The following KCNQ1OT1 variants were observed in gnomAD, a reference collection of about 807,000 sequenced individuals.
KCNQ1OT1 encodes KCNQ1 opposite strand/antisense transcript 1, also known as KCNQ1 antisense RNA 2 (non-protein coding).
chr11:2,631,589 C>A, exon 1 of KCNQ1OT1: 1 of 398,486 alleles, frequency 2.5e-6, no homozygotes, highest in South Asian at 1.3e-4. Context: ...TCTTGGGAGT[C>A]AGTCCCTGAA....
chr11:2,689,484 C>G, exon 1 of KCNQ1OT1: 1 of 398,690 alleles, frequency 2.5e-6, no homozygotes, highest in Non-Finnish European at 4.4e-6. Context: ...TACCTGCATT[C>G]TGCTGAAGGT....
At chr11:2,689,046 G>A (rs1850545187) in exon 1 of KCNQ1OT1, 4 of 398,892 alleles carry the variant, frequency 1.0e-5, no homozygotes, top group South Asian at 1.3e-4. Flanking sequence ...GGGTTTTGAG[G>A]GGCAGTTACC....
chr11:2,681,814 A>G (rs1850403253), exon 1 of KCNQ1OT1: 1 of 398,384 alleles, frequency 2.5e-6, no homozygotes, highest in South Asian at 1.3e-4. Flanking sequence ...TTCTCAGGTT[A>G]TGGTCATATC....
exon 1 of KCNQ1OT1, chr11:2,634,397 C>G (rs1222960092): frequency 4.5e-6 from 1 of 223,956 alleles, no homozygotes; most frequent in African/African-American, 2.3e-5. Flanking sequence ...TCTCATTGTT[C>G]AGTTCCCACC....
At chr11:2,644,687 G>T (rs534785123) in exon 1 of KCNQ1OT1, 6 of 398,298 alleles carry the variant, frequency 1.5e-5, no homozygotes, top group South Asian at 1.3e-4. Flanking sequence ...CCAATTTTTT[G>T]ATCTGTCTTT....
At chr11:2,633,041 A>C (rs1849388706) in exon 1 of KCNQ1OT1, 1 of 398,368 alleles carries the variant, frequency 2.5e-6, no homozygotes. Context: ...CAAATAGTGT[A>C]TTATTTCCCT....
exon 1 of KCNQ1OT1, chr11:2,667,496 G>C (rs757653527): frequency 6.4e-6 from 2 of 311,174 alleles, no homozygotes; most frequent in African/African-American, 2.2e-5. Context: ...GAACATTCAC[G>C]CCACAGAGGT....
chr11:2,628,997 G>A (rs1439062692), exon 1 of KCNQ1OT1: 6 of 398,022 alleles, frequency 1.5e-5, no homozygotes, highest in African/African-American at 1.2e-4. Flanking sequence ...CCATAACTTT[G>A]AAATATAATT....
At chr11:2,656,731 A>C (rs1293699974) in exon 1 of KCNQ1OT1, 1 of 398,428 alleles carries the variant, frequency 2.5e-6, no homozygotes, top group Non-Finnish European at 4.4e-6. Context: ...TCTAATGTCA[A>C]ATTACTCAGT....
exon 1 of KCNQ1OT1, chr11:2,688,205 C>G (rs1850524942): frequency 7.5e-6 from 3 of 398,696 alleles, no homozygotes; most frequent in African/African-American, 4.1e-5. Context: ...AGGGGCTGCA[C>G]TGAGCCCACC....
Position 2,613,957 on chromosome 11 carries a change from C to A in KCNQ1OT1, n.86038G>T, listed in dbSNP as rs1169112536. ...CTTTGCTTTTCTCACCTAACAACATCTCCTAGAAATCACTCAACATCCATT... is the reference window on the plus strand; with the variant it reads ...CTTTGCTTTTCTCACCTAACAACATATCCTAGAAATCACTCAACATCCATT... On this transcript the variant is annotated non_coding_transcript_exon_variant, in exon 1 of 1. Coordinates refer to ENST00000597346, the Ensembl canonical transcript of KCNQ1OT1. This position sits in a 1 kb window ranked among gnomAD's most constrained non-coding sequence, Gnocchi z 4.8. 2 of 398,464 alleles carry A rather than the reference C, an allele frequency of 5.0e-6. No homozygotes were observed. Among genetic ancestry groups the A allele is most frequent in the Non-Finnish European group, 8.8e-6 (2 of 226,068 alleles). The allele number at this position is 398,464 out of a possible 1,614,324, so 24.7% of individuals were successfully genotyped here.
Position 2,668,628 on chromosome 11 carries a change from GTTTA to G in KCNQ1OT1, n.31363_31366del. On this transcript the variant is annotated non_coding_transcript_exon_variant, in exon 1 of 1. Coordinates refer to ENST00000597346, the Ensembl canonical transcript of KCNQ1OT1. This position sits in a 1 kb window ranked among gnomAD's most constrained non-coding sequence, Gnocchi z 4.3. ...TGCCTACATCTTCTGCCTGTTTTAT[GTTTA>G]TTTATGGTCCTATATATCTTTAGAT... 1 of 398,488 alleles carries G rather than the reference GTTTA, an allele frequency of 2.5e-6. No individual in the cohort carries two copies. Among genetic ancestry groups the G allele is most frequent in the Admixed American group, 4.4e-5 (1 of 22,732 alleles). 24.7% of individuals were successfully genotyped at this position (398,488 alleles called of 1,614,324 possible).
chr11:2,629,816 G>T, exon 1 of KCNQ1OT1: 1 of 397,510 alleles, frequency 2.5e-6, no homozygotes, highest in Non-Finnish European at 4.4e-6. Context: ...CTTCTAACAG[G>T]TTTTTTTTGT....
chr11:2,619,357 C>G (rs1341431668), exon 1 of KCNQ1OT1: 2 of 398,382 alleles, frequency 5.0e-6, no homozygotes, highest in Non-Finnish European at 8.8e-6. Flanking sequence ...CCTTCTATAC[C>G]TGAACTGTTA....
In KCNQ1OT1 at chr11:2,652,173, G is replaced by A. The variant is rs1849767733; in HGVS notation, n.47822C>T. On this transcript the variant is annotated non_coding_transcript_exon_variant, in exon 1 of 1. Transcript: ENST00000597346. This position sits in a 1 kb window ranked among gnomAD's most constrained non-coding sequence, Gnocchi z 5.9. Reference sequence around the variant, plus strand: ...CGCGCCCTCGGGGCCTGGGGGTGGGGCCCCAGCAGATGTCTGGATTTGGTA... The same window carrying A: ...CGCGCCCTCGGGGCCTGGGGGTGGGACCCCAGCAGATGTCTGGATTTGGTA... The A allele has an allele frequency of 5.0e-6, 2 of 398,524 alleles. No homozygotes were observed. The highest frequency in any genetic ancestry group is 4.1e-5 in the African/African-American group (2 of 48,622). 24.7% of individuals were successfully genotyped at this position (398,524 alleles called of 1,614,324 possible).
exon 1 of KCNQ1OT1, chr11:2,638,333 T>G (rs1047426141): frequency 6.6e-6 from 1 of 152,258 alleles, no homozygotes; most frequent in South Asian, 2.1e-4. Flanking sequence ...TTTCCATGTT[T>G]AGTGCTTCCT....
At position 2,669,279 on chromosome 11, in the gene KCNQ1OT1, G is replaced by A. The variant is rs1465480484; in HGVS notation, n.30716C>T. Reference sequence around the variant, plus strand: ...CATCACTGGCTTTGCTGTCTTTGCAGGGTTTCTCCTCACCATACATATGCC... The same window carrying A: ...CATCACTGGCTTTGCTGTCTTTGCAAGGTTTCTCCTCACCATACATATGCC... On this transcript the variant is annotated non_coding_transcript_exon_variant, in exon 1 of 1. Coordinates refer to ENST00000597346, the Ensembl canonical transcript of KCNQ1OT1. The surrounding 1 kb of genome is among the most constrained non-coding windows in gnomAD (Gnocchi z 5.6). The A allele has an allele frequency of 1.5e-5, 6 of 398,554 alleles. No homozygotes were observed. The highest frequency in any genetic ancestry group is 2.2e-5 in the Non-Finnish European group (5 of 226,108). The allele number at this position is 398,554 out of a possible 1,614,324, so 24.7% of individuals were successfully genotyped here. A position where few individuals can be genotyped will look rare whatever the true frequency, so the allele number is the denominator to read the frequency against.
At chr11:2,648,815 C>T (rs1367788647) in exon 1 of KCNQ1OT1, 4 of 398,262 alleles carry the variant, frequency 1.0e-5, no homozygotes, top group Non-Finnish European at 1.8e-5. Flanking sequence ...TGTTGCCATC[C>T]CTAACTATTA....
chr11:2,633,876 C>T, exon 1 of KCNQ1OT1: 1 of 398,546 alleles, frequency 2.5e-6, no homozygotes, highest in Non-Finnish European at 4.4e-6. Context: ...AAATGTCAGT[C>T]ATCTGTATAC....
Sources: allele counts gnomAD v4.1 joint callset, GRCh38; gene constraint gnomAD v4.1.1; non-coding constraint Gnocchi (gnomAD v3.1); transcripts MANE v1.5; gene names NCBI Gene and HGNC (gene_info 2026-07-23, HGNC 2026-07-21).